THADA: variants seen among roughly 807,000 people sequenced by gnomAD.
THADA encodes tRNA (32-2'-O)-methyltransferase regulator THADA.
THADA carries 213 observed loss-of-function variants against 219.8 expected under a neutral mutation model. That is an observed-to-expected ratio of 0.97 (90% CI 0.87 to 1.09). The LOEUF (loss-of-function observed/expected upper bound fraction) is 1.09. Among genes scored for constraint, THADA ranks in the 50% least tolerant of loss-of-function variants. THADA has a pLI of 0.00. For synonymous variants in THADA, 1,018 were observed against 828.9 expected, an observed-to-expected ratio of 1.23 and a Z score of -3.92; for missense variants, 2,956 against 2,311.3, an observed-to-expected ratio of 1.28 and a Z score of -5.72.
chr2:43,462,174 T>C (rs867323224), intron 26 of THADA, among the ~76,000 whole-genome samples: 1 of 152,248 alleles, frequency 6.6e-6, no homozygotes, highest in Admixed American at 6.5e-5. Flanking sequence ...ATACTAGATT[T>C]TGAAAATGTT....
chr2:43,583,392 G>C (rs1283779231), intron 7 of THADA, among the ~76,000 whole-genome samples: 1 of 152,082 alleles, frequency 6.6e-6, no homozygotes, highest in Admixed American at 6.6e-5. Flanking sequence ...CTCTCCCTTG[G>C]GTTATTGCCA....
rs1250125541 is a variant in THADA at position 43,381,833 on chromosome 2, C to T, written c.4227+16138G>A. 3.3e-5 allele frequency among the ~76,000 whole-genome samples: 5 copies of T among 152,278 alleles called. No homozygotes were observed. The East Asian group carries it at 9.7e-4, about 29-fold the overall frequency. On this transcript the variant is annotated intron_variant, in intron 29 of 37. Coordinates refer to ENST00000405975, the MANE Select transcript of THADA (RefSeq NM_022065.5). ...CTCCTGACCTCAAGTGATCTGCCTG[C>T]CTCGGCCTCCCAAAGTGCTGGGATT... is the stretch of plus-strand genomic sequence containing the variant.
chr2:43,581,003 G>A (rs1200800135), intron 8 of THADA, among the ~76,000 whole-genome samples: 1 of 152,148 alleles, frequency 6.6e-6, no homozygotes, highest in African/African-American at 2.4e-5. Flanking sequence ...CCATTAGCAT[G>A]TTTTTAATTA....
At chr2:43,487,193 T>C (rs1687020522) in intron 25 of THADA, among the ~76,000 whole-genome samples, 2 of 152,170 alleles carry the variant, frequency 1.3e-5, no homozygotes, top group Non-Finnish European at 2.9e-5. Flanking sequence ...TTCTACCTGA[T>C]CTAGTGAGGT....
In THADA at chr2:43,574,941, G is replaced by A. The variant is rs959545488; in HGVS notation, c.1124C>T (p.Ser375Phe). 1 of 1,613,974 alleles carries A rather than the reference G, an allele frequency of 6.2e-7. No individual in the cohort carries two copies. Among genetic ancestry groups the A allele is most frequent in the East Asian group, 2.2e-5 (1 of 44,886 alleles). ...NSAIQVLESS[S>F]PSLTDSLNGN... ...ATTCAGGCTGTCCGTTAGGCTCGGG[G>A]AACTTGATTCAAGGACTTGTATGGC... The change falls in exon 11 of 38, where the codon TCC becomes TTC. Residue 375 changes from serine (S) to phenylalanine (F), a missense_variant. By Grantham distance (155) the Ser-to-Phe change is radical. Transcript: ENST00000405975.
At chr2:43,407,957 T>A (rs1482812700) in intron 28 of THADA, among the ~76,000 whole-genome samples, 4 of 152,242 alleles carry the variant, frequency 2.6e-5, no homozygotes, top group African/African-American at 9.6e-5. Context: ...GAGGAAACCT[T>A]TGTAGGCAAT....
At position 43,508,740 on chromosome 2, in the gene THADA, G is replaced by A; in HGVS notation, c.3415C>T (p.Leu1139=). The change falls in exon 23 of 38, where the codon CTA becomes TTA. Residue 1139 remains leucine (L), a synonymous_variant. Coordinates refer to ENST00000405975, the MANE Select transcript of THADA (RefSeq NM_022065.5). Reference sequence around the variant, plus strand: ...TTAATTTCCTCTAAAACACTCCATAGCCACTGTTCTGGCAGCTTTTGCAGA... The same window carrying A: ...TTAATTTCCTCTAAAACACTCCATAACCACTGTTCTGGCAGCTTTTGCAGA... The part of the protein sequence containing the change: ...VSLQKLPEQW[L]WSVLEEIKCS... The A allele has an allele frequency of 1.2e-6, 2 of 1,613,640 alleles. No homozygotes were observed. Among genetic ancestry groups the A allele is most frequent in the Non-Finnish European group, 1.7e-6 (2 of 1,179,696 alleles).
intron 29 of THADA, among the ~76,000 whole-genome samples, chr2:43,362,131 G>A (rs12622119): frequency 6.6e-6 from 1 of 152,160 alleles, no homozygotes; most frequent in Admixed American, 6.5e-5. Context: ...TCCCAACGTA[G>A]GTCATTTCCT....
rs763922768 is a variant in THADA, at chr2:43,485,324, A to T, written c.3746T>A (p.Val1249Glu). 4 of 1,610,894 alleles carry T rather than the reference A, an allele frequency of 2.5e-6. No individual in the cohort carries two copies. In the East Asian group the frequency reaches 6.7e-5, roughly 27 times the overall value. ...ILGFTSPVWA[V>E]RNSSTLLFSA... ...AAAGAGAAGTGTGGATGAATTTCGC[A>T]CCTAATGTACAAACGAAAACACAAT... The change falls in exon 26 of 38, where the codon GTG becomes GAG. Residue 1249 changes from valine to glutamate, a missense_variant and splice_region_variant. By Grantham distance (121) the Val-to-Glu change is moderately radical. Coordinates refer to ENST00000405975, the MANE Select transcript of THADA (RefSeq NM_022065.5).
chr2:43,293,295 C>T, intron 31 of THADA, 82 bp from the exon 32 acceptor site: 3 of 1,464,596 alleles, frequency 2.0e-6, no homozygotes, highest in Middle Eastern at 1.8e-4. Context: ...AAGACTGAAT[C>T]CACTGCGTGA....
At chr2:43,493,104 C>T (rs1687846005) in intron 25 of THADA, among the ~76,000 whole-genome samples, 1 of 152,196 alleles carries the variant, frequency 6.6e-6, no homozygotes. Flanking sequence ...GGCAGCACTA[C>T]TGGGCAGATC....
chr2:43,255,252 A>T (rs1180680919), intron 36 of THADA, among the ~76,000 whole-genome samples: 1 of 152,206 alleles, frequency 6.6e-6, no homozygotes, highest in Non-Finnish European at 1.5e-5. Flanking sequence ...ACATATAAAT[A>T]TCCTACTCTT....
At chr2:43,300,510 C>T (rs1214845486) in intron 31 of THADA, among the ~76,000 whole-genome samples, 1 of 151,984 alleles carries the variant, frequency 6.6e-6, no homozygotes, top group African/African-American at 2.4e-5. Flanking sequence ...AAAATGAATG[C>T]GATGGCACTG....
intron 31 of THADA, among the ~76,000 whole-genome samples, chr2:43,314,847 A>G (rs1307091227): frequency 2.6e-5 from 4 of 152,248 alleles, no homozygotes; most frequent in Non-Finnish European, 4.4e-5. Flanking sequence ...TTAAAACTCA[A>G]AACAAAACCC....
chr2:43,261,266 C>G (rs1275537083), intron 36 of THADA, among the ~76,000 whole-genome samples: 3 of 145,864 alleles, frequency 2.1e-5, no homozygotes, highest in Non-Finnish European at 3.0e-5. Context: ...CTGTGTCACC[C>G]AGGCTGGAGT....
At chr2:43,306,110 G>T (rs1476929729) in intron 31 of THADA, among the ~76,000 whole-genome samples, 1 of 151,976 alleles carries the variant, frequency 6.6e-6, no homozygotes. Context: ...TCTGGGAGGT[G>T]ATTCTCCCAA....
rs936303853 is a variant in THADA, at chr2:43,259,798, A to C, written c.5296+19967T>G. 1.4e-4 allele frequency among the ~76,000 whole-genome samples: 21 copies of C among 152,210 alleles called. 1 individual carries two copies. The highest frequency in any genetic ancestry group is 5.1e-4 in the African/African-American group (21 of 41,452). On this transcript the variant is annotated intron_variant, in intron 36 of 37. Coordinates refer to ENST00000405975, the MANE Select transcript of THADA (RefSeq NM_022065.5). ...CTGTTGAAAGGAATACCTTATACAT[A>C]TATCTTTGGCCCTTGTGCAAATATT...
chr2:43,540,427 C>G (rs538802612), intron 21 of THADA, among the ~76,000 whole-genome samples: 5 of 152,194 alleles, frequency 3.3e-5, no homozygotes, highest in African/African-American at 9.6e-5. Context: ...TAGCATACTA[C>G]AATATTTGTT....
intron 10 of THADA, among the ~76,000 whole-genome samples, chr2:43,576,568 T>G (rs1194948470): frequency 6.6e-6 from 1 of 152,210 alleles, no homozygotes; most frequent in East Asian, 1.9e-4. Flanking sequence ...ATATAAAAAT[T>G]TTTATAGTTT....
Sources: allele counts gnomAD v4.1 joint callset (sites outside exome capture counted in the v4.1 genomes callset), GRCh38; gene constraint gnomAD v4.1.1; transcripts MANE v1.5; gene names NCBI Gene and HGNC (gene_info 2026-07-23, HGNC 2026-07-21).